Variants in LHFPL3 observed in about 807,000 individuals in gnomAD.
LHFPL3 encodes the protein LHFPL tetraspan subfamily member 3.
A neutral mutation model predicts 19.3 loss-of-function variants in LHFPL3; 5 were observed. The observed-to-expected ratio is 0.26, with a 90% CI of 0.14 to 0.54. The LOEUF is 0.54. Ranked by LOEUF, LHFPL3 falls within the 20% of genes least tolerant of loss-of-function variation. The pLI is 0.94. For missense variants in LHFPL3, 249 were observed against 307.4 expected, an observed-to-expected ratio of 0.81 and a Z score of 1.42; for synonymous variants, 133 against 126.2, an observed-to-expected ratio of 1.05 and a Z score of -0.36.
At chr7:104,656,507 A>C (rs947048902) in intron 1 of LHFPL3, among the ~76,000 whole-genome samples, 9 of 152,194 alleles carry the variant, frequency 5.9e-5, no homozygotes, top group Admixed American at 3.9e-4. Context: ...AGCTGATCAG[A>C]TCTCCCAGCA....
At chr7:104,363,733 A>G (rs2116414689) in intron 1 of LHFPL3, among the ~76,000 whole-genome samples, 1 of 152,352 alleles carries the variant, frequency 6.6e-6, no homozygotes, top group Admixed American at 6.5e-5. Context: ...GACTGCATAT[A>G]GCAGAGGGAA....
chr7:104,572,958 A>G (rs1408587725), intron 1 of LHFPL3, among the ~76,000 whole-genome samples: 2 of 152,232 alleles, frequency 1.3e-5, no homozygotes, highest in African/African-American at 2.4e-5. Context: ...TTGATTGACC[A>G]CTAAATTTAA....
intron 1 of LHFPL3, among the ~76,000 whole-genome samples, chr7:104,360,543 CTA>C (rs1448777602): frequency 6.6e-6 from 1 of 152,162 alleles, no homozygotes; most frequent in Non-Finnish European, 1.5e-5. Context: ...AGCCCCAATT[CTA>C]TGTCTGCCTT....
Position 104,328,840 on chromosome 7 carries a change from G to A in LHFPL3, c.61G>A (p.Ala21Thr), listed in dbSNP as rs1390014581. The A allele has an allele frequency of 1.2e-5, 20 of 1,613,892 alleles. No homozygotes were observed. Among genetic ancestry groups the A allele is most frequent in the Non-Finnish European group, 1.7e-5 (20 of 1,179,902 alleles). The change falls in exon 1 of 3, where the codon GCT becomes ACT. Residue 21 changes from alanine (A) to threonine (T), a missense_variant. By Grantham distance (58) the Ala-to-Thr change is moderately conservative. Coordinates refer to ENST00000424859, the MANE Select transcript of LHFPL3 (RefSeq NM_199000.3). This position sits in a 1 kb window ranked among gnomAD's most constrained non-coding sequence, Gnocchi z 4.6. ...AAAAMLPAQE[A>T]AKLYHTNYVR... ...CGCCGCGATGCTCCCGGCTCAGGAG[G>A]CTGCCAAGCTGTACCACACCAACTA...
At chr7:104,386,441 T>G (rs1790945391) in intron 1 of LHFPL3, among the ~76,000 whole-genome samples, 1 of 152,130 alleles carries the variant, frequency 6.6e-6, no homozygotes, top group South Asian at 2.1e-4. Flanking sequence ...TAAAAGAGCC[T>G]GGCTAAAAAC....
At chr7:104,506,757 T>C (rs1177497837) in intron 1 of LHFPL3, among the ~76,000 whole-genome samples, 1 of 152,216 alleles carries the variant, frequency 6.6e-6, no homozygotes, top group Non-Finnish European at 1.5e-5. Flanking sequence ...GGTAAAATTT[T>C]ACCAGGAGTA....
At chr7:104,699,129 C>T (rs1047312888) in intron 1 of LHFPL3, among the ~76,000 whole-genome samples, 4 of 152,176 alleles carry the variant, frequency 2.6e-5, no homozygotes, top group Non-Finnish European at 5.9e-5. Flanking sequence ...GAAAATGATA[C>T]GGTGATTCCT....
intron 1 of LHFPL3, among the ~76,000 whole-genome samples, chr7:104,420,865 C>CA (rs1442052402): frequency 6.6e-6 from 1 of 152,102 alleles, no homozygotes; most frequent in Non-Finnish European, 1.5e-5. Context: ...CCCGGCCCCC[C>CA]AAAGGGTGAA....
At chr7:104,387,647 C>T (rs1342865077) in intron 1 of LHFPL3, among the ~76,000 whole-genome samples, 3 of 152,148 alleles carry the variant, frequency 2.0e-5, no homozygotes. Flanking sequence ...AGCAAGAATA[C>T]TTGAAGACAT....
At chr7:104,747,927 G>A (rs113667214) in intron 2 of LHFPL3, among the ~76,000 whole-genome samples, 2,921 of 152,082 alleles carry the variant, frequency 0.019, 51 homozygotes, top group East Asian at 0.054. Context: ...TAGAGTGTGG[G>A]GAAAAGCAAG....
intron 1 of LHFPL3, among the ~76,000 whole-genome samples, chr7:104,420,554 ATTTTTTTTT>A (rs71153195): frequency 1.8e-5 from 2 of 112,710 alleles, no homozygotes; most frequent in Non-Finnish European, 3.5e-5. Flanking sequence ...CAAAGGGTGA[ATTTTTTTTT>A]TTTTTTTTTT....
chr7:104,821,719 T>A (rs1790678847), intron 2 of LHFPL3, among the ~76,000 whole-genome samples: 1 of 152,178 alleles, frequency 6.6e-6, no homozygotes, highest in South Asian at 2.1e-4. Context: ...TTTGCCATCT[T>A]TAAAGGCCTA....
intron 1 of LHFPL3, among the ~76,000 whole-genome samples, chr7:104,617,085 C>T (rs1449128742): frequency 1.3e-5 from 2 of 152,164 alleles, no homozygotes; most frequent in Non-Finnish European, 2.9e-5. Flanking sequence ...TTGTGGAAGA[C>T]AGTGCGGCGA....
intron 1 of LHFPL3, among the ~76,000 whole-genome samples, chr7:104,578,710 C>T (rs146366760): frequency 1.1e-4 from 16 of 152,210 alleles, no homozygotes; most frequent in African/African-American, 3.9e-4. Flanking sequence ...ACCCCCCTAC[C>T]CCCAACCAGT....
chr7:104,704,848 C>G (rs1270388657), intron 1 of LHFPL3, among the ~76,000 whole-genome samples: 1 of 152,092 alleles, frequency 6.6e-6, no homozygotes, highest in Non-Finnish European at 1.5e-5. Flanking sequence ...GTTGCCCAGG[C>G]TGATCTCGAA....
intron 1 of LHFPL3, among the ~76,000 whole-genome samples, chr7:104,381,980 G>C (rs1477621671): frequency 4.9e-5 from 6 of 122,570 alleles, no homozygotes; most frequent in Non-Finnish European, 1.1e-4. Flanking sequence ...GAAAAATGGT[G>C]AGATGTACAG....
intron 2 of LHFPL3, among the ~76,000 whole-genome samples, chr7:104,827,391 G>A (rs1790845781): frequency 6.6e-6 from 1 of 151,944 alleles, no homozygotes; most frequent in Admixed American, 6.6e-5. Flanking sequence ...TAGATAAATG[G>A]ATGTTTTTTA....
chr7:104,886,523 C>T (rs558708931), intron 2 of LHFPL3, among the ~76,000 whole-genome samples: 2 of 152,278 alleles, frequency 1.3e-5, no homozygotes, highest in East Asian at 1.9e-4. Context: ...CACCACCACA[C>T]CTGGCTAATT....
chr7:104,423,348 C>T (rs911493411), intron 1 of LHFPL3, among the ~76,000 whole-genome samples: 2 of 152,056 alleles, frequency 1.3e-5, no homozygotes, highest in African/African-American at 4.8e-5. Context: ...TGTGGTTGCT[C>T]ACACCTGTAA....
Sources: gnomAD v4.1 joint callset for allele counts (sites outside exome capture counted in the v4.1 genomes callset) on GRCh38, gnomAD v4.1.1 for gene constraint, Gnocchi (gnomAD v3.1) non-coding constraint, MANE v1.5 for transcripts, NCBI Gene and HGNC (gene_info 2026-07-23, HGNC 2026-07-21) for gene names.